MIPEP: variants seen among roughly 807,000 people sequenced by gnomAD.
The protein encoded by MIPEP is mitochondrial intermediate peptidase.
In MIPEP, 79 loss-of-function variants were observed where a neutral mutation model predicts 90.3. The ratio of observed to expected loss-of-function variants is 0.87; its 90% CI spans 0.73 to 1.05. The LOEUF (loss-of-function observed/expected upper bound fraction) is 1.05, where lower values mean the gene tolerates loss of function less well. Among genes scored for constraint, MIPEP ranks in the 50% least tolerant of loss-of-function variants. The pLI is 0.00. For synonymous variants in MIPEP, 334 were observed against 315.8 expected (o/e 1.06, Z -0.61); for missense variants, 940 against 905.6 (o/e 1.04, Z -0.49).
chr13:23,880,963 A>G (rs1197779377), intron 3 of MIPEP, among the ~76,000 whole-genome samples: 1 of 152,174 alleles, frequency 6.6e-6, no homozygotes, highest in African/African-American at 2.4e-5. Flanking sequence ...CCCTAGCTCT[A>G]TACACTGCCT....
intron 17 of MIPEP, among the ~76,000 whole-genome samples, chr13:23,758,355 A>G (rs1056538040): frequency 1.3e-5 from 2 of 152,238 alleles, no homozygotes; most frequent in Non-Finnish European, 2.9e-5. Flanking sequence ...GACAGAGGTT[A>G]GAAATTTTCT....
In MIPEP at chr13:23,889,163, C is replaced by T. The variant is rs1871678838; in HGVS notation, c.158G>A (p.Gly53Asp). 5 of 1,466,144 alleles carry T rather than the reference C, an allele frequency of 3.4e-6. No individual in the cohort carries two copies. Among genetic ancestry groups the T allele is most frequent in the Admixed American group, 2.6e-5 (1 of 37,880 alleles). The allele number at this position is 1,466,144 out of a possible 1,614,324, so 90.8% of individuals were successfully genotyped here. A position where few individuals can be genotyped will look rare whatever the true frequency, so the allele number is the denominator to read the frequency against. The change falls in exon 1 of 19, where the codon GGC (glycine) becomes GAC (aspartate). Residue 53 changes from glycine to aspartate, a missense_variant. By Grantham distance (94) the Gly-to-Asp change is moderately conservative. Transcript: ENST00000382172. ...CTCGCCGAACAGGTCCAAGCGGCTG[C>T]CCTGGGGCTTGACATTGAAGGCGGC... Reference protein sequence around the residue: ...VGAAFNVKPQGSRLDLFGERR... With the variant: ...VGAAFNVKPQDSRLDLFGERR...
At chr13:23,835,721 C>A (rs1402330936) in intron 14 of MIPEP, among the ~76,000 whole-genome samples, 1 of 152,140 alleles carries the variant, frequency 6.6e-6, no homozygotes, top group African/African-American at 2.4e-5. Context: ...ATTTAAAAAT[C>A]TTTAATATTA....
intron 4 of MIPEP, among the ~76,000 whole-genome samples, chr13:23,876,349 T>C (rs1871073946): frequency 6.6e-6 from 1 of 152,192 alleles, no homozygotes; most frequent in African/African-American, 2.4e-5. Flanking sequence ...TCTCATATGA[T>C]TCTTATGAAG....
chr13:23,879,013 C>T (rs1371636363), intron 4 of MIPEP, among the ~76,000 whole-genome samples: 1 of 152,126 alleles, frequency 6.6e-6, no homozygotes, highest in Admixed American at 6.5e-5. Context: ...AATAAACAAA[C>T]AGGATACGTT....
chr13:23,826,131 G>T (rs1483075790), intron 14 of MIPEP, among the ~76,000 whole-genome samples: 2 of 151,990 alleles, frequency 1.3e-5, no homozygotes, highest in Non-Finnish European at 2.9e-5. Context: ...AGGAAGAAAG[G>T]AATTGTTCAT....
chr13:23,741,019 C>T (rs1952321660), intron 18 of MIPEP, among the ~76,000 whole-genome samples: 1 of 152,174 alleles, frequency 6.6e-6, no homozygotes, highest in African/African-American at 2.4e-5. Context: ...GGACTCGTAA[C>T]ACCAATCAGG....
chr13:23,846,496 T>TC (rs1869547616), intron 10 of MIPEP, among the ~76,000 whole-genome samples: 1 of 152,228 alleles, frequency 6.6e-6, no homozygotes, highest in African/African-American at 2.4e-5. Flanking sequence ...GATTTTTTTT[T>TC]CTATTTTGGA....
chr13:23,738,288 T>C (rs1248510530), intron 18 of MIPEP, among the ~76,000 whole-genome samples: 4 of 152,184 alleles, frequency 2.6e-5, no homozygotes, highest in African/African-American at 7.2e-5. Context: ...TCATAAACTT[T>C]CTTAAAATAC....
chr13:23,832,355 TA>T (rs1018684891), intron 14 of MIPEP, among the ~76,000 whole-genome samples: 4 of 152,144 alleles, frequency 2.6e-5, no homozygotes, highest in South Asian at 2.1e-4. Context: ...TCCATAACTG[TA>T]AAAAATAGAT....
At chr13:23,830,399 T>C (rs1263390737) in intron 14 of MIPEP, among the ~76,000 whole-genome samples, 1 of 152,062 alleles carries the variant, frequency 6.6e-6, no homozygotes, top group Non-Finnish European at 1.5e-5. Context: ...GGCCAAAAAA[T>C]GATAAGAATT....
At chr13:23,781,517 C>T (rs972935801) in intron 16 of MIPEP, among the ~76,000 whole-genome samples, 4 of 152,176 alleles carry the variant, frequency 2.6e-5, no homozygotes, top group Non-Finnish European at 2.9e-5. Flanking sequence ...ATTGTAAAGA[C>T]CATCGATGCT....
intron 10 of MIPEP, among the ~76,000 whole-genome samples, chr13:23,856,661 T>A (rs1030851190): frequency 6.6e-6 from 1 of 152,130 alleles, no homozygotes; most frequent in African/African-American, 2.4e-5. Flanking sequence ...CAGAAATCCC[T>A]TTCCTTGCCA....
chr13:23,828,478 G>C (rs1868578193), intron 14 of MIPEP, among the ~76,000 whole-genome samples: 1 of 152,188 alleles, frequency 6.6e-6, no homozygotes, highest in Admixed American at 6.5e-5. Context: ...GTTTAGCAAA[G>C]CTGCTGTAAA....
At chr13:23,767,605 C>T (rs1482588134) in intron 16 of MIPEP, among the ~76,000 whole-genome samples, 1 of 152,056 alleles carries the variant, frequency 6.6e-6, no homozygotes, top group Non-Finnish European at 1.5e-5. Context: ...GCACGTGCCA[C>T]CATGCCCAGC....
intron 18 of MIPEP, among the ~76,000 whole-genome samples, chr13:23,750,092 T>G (rs2138502926): frequency 6.6e-6 from 1 of 152,266 alleles, no homozygotes; most frequent in African/African-American, 2.4e-5. Context: ...TTTAATTAAA[T>G]TTTAAATTTC....
chr13:23,825,166 G>C (rs2137434746), intron 14 of MIPEP, among the ~76,000 whole-genome samples: 2 of 152,282 alleles, frequency 1.3e-5, no homozygotes, highest in Middle Eastern at 6.8e-3. Context: ...TGTGTATGGT[G>C]GTGGGGCCGG....
chr13:23,809,192 C>CCTTTT (rs1196135485), intron 15 of MIPEP, among the ~76,000 whole-genome samples: 1 of 152,054 alleles, frequency 6.6e-6, no homozygotes, highest in East Asian at 1.9e-4. Context: ...AAACTTCAAA[C>CCTTTT]CTAAAAACAC....
chr13:23,816,308 T>C (rs1005550302), intron 14 of MIPEP, among the ~76,000 whole-genome samples: 6 of 152,204 alleles, frequency 3.9e-5, no homozygotes, highest in Admixed American at 6.5e-5. Flanking sequence ...TGGCTGGTAT[T>C]GTCCCAGAGT....
Sources: gnomAD v4.1 joint callset for allele counts (sites outside exome capture counted in the v4.1 genomes callset) on GRCh38, gnomAD v4.1.1 for gene constraint, MANE v1.5 for transcripts, NCBI Gene and HGNC (gene_info 2026-07-23, HGNC 2026-07-21) for gene names.